MAP4K5: variants seen among roughly 807,000 people sequenced by gnomAD.
The protein encoded by MAP4K5 is MAPK/ERK kinase kinase kinase 5.
MAP4K5 carries 82 observed loss-of-function variants against 135.6 expected under a neutral mutation model. The observed-to-expected ratio is 0.60, with a 90% CI of 0.51 to 0.73. The LOEUF (loss-of-function observed/expected upper bound fraction) is 0.73, where lower values mean the gene tolerates loss of function less well. MAP4K5 is among the 30% of genes least tolerant of loss of function. MAP4K5 has a pLI of 0.00. For missense variants in MAP4K5, 907 were observed against 1,010.9 expected (o/e 0.90, Z 1.39); for synonymous variants, 347 against 335.0 (o/e 1.04, Z -0.39).
intron 3 of MAP4K5, among the ~76,000 whole-genome samples, chr14:50,498,203 T>C (rs1227964421): frequency 6.6e-6 from 1 of 152,168 alleles, no homozygotes; most frequent in Non-Finnish European, 1.5e-5. Flanking sequence ...CCTGGGCTTA[T>C]AGGGCACTCT....
intron 1 of MAP4K5, among the ~76,000 whole-genome samples, chr14:50,557,667 T>C (rs572380398): frequency 6.6e-6 from 1 of 152,338 alleles, no homozygotes; most frequent in East Asian, 1.9e-4. Context: ...ATGTTTATAT[T>C]TTCATACTAT....
chr14:50,536,038 A>G (rs372130286), upstream of MAP4K5, among the ~76,000 whole-genome samples: 2 of 152,336 alleles, frequency 1.3e-5, no homozygotes, highest in East Asian at 1.9e-4. Flanking sequence ...GCCCTCTGCC[A>G]TGATTGTGAG....
At chr14:50,486,539 T>A (rs1043970762) in intron 3 of MAP4K5, among the ~76,000 whole-genome samples, 1 of 152,172 alleles carries the variant, frequency 6.6e-6, no homozygotes, top group Non-Finnish European at 1.5e-5. Context: ...AAAGATTATA[T>A]ATTATTTAAG....
chr14:50,469,353 T>A (rs1217789419), intron 9 of MAP4K5, among the ~76,000 whole-genome samples: 2 of 152,224 alleles, frequency 1.3e-5, no homozygotes. Context: ...TACAAATAAG[T>A]CTGTAATGGA....
chr14:50,532,203 A>C, intron 1 of MAP4K5, 45 bp from the exon 2 acceptor site: 1 of 574,876 alleles, frequency 1.7e-6, no homozygotes, highest in Non-Finnish European at 3.0e-6. Context: ...GCAGGCTACG[A>C]CCCCCAGCGG....
intron 1 of MAP4K5, chr14:50,560,131 A>G: frequency 9.6e-7 from 1 of 1,039,918 alleles, no homozygotes; most frequent in South Asian, 1.4e-5. Flanking sequence ...CACCAGCGCC[A>G]CAGCAACATC....
intron 2 of MAP4K5, among the ~76,000 whole-genome samples, chr14:50,511,985 T>C (rs2037939358): frequency 6.6e-6 from 1 of 152,148 alleles, no homozygotes; most frequent in South Asian, 2.1e-4. Context: ...TCTCATTACA[T>C]ATTTGTCAAA....
At chr14:50,456,407 G>A in intron 14 of MAP4K5, 109 bp downstream of exon 14, 3 of 796,496 alleles carry the variant, frequency 3.8e-6, no homozygotes, top group Non-Finnish European at 6.4e-6. Context: ...ATTCTGATAT[G>A]TTGAAGTATG....
At position 50,425,904 on chromosome 14, in the gene MAP4K5, T is replaced by C; in HGVS notation, c.2397+3A>G. 6.2e-7 allele frequency: 1 copy of C among 1,608,868 alleles called. No individual in the cohort carries two copies. The highest frequency in any genetic ancestry group is 2.2e-5 in the East Asian group (1 of 44,784). ...TCAGTGGAGGTAATCTGAGAAGGCTTACCTCATCTGACTTGAAGCTTTTAC... is the reference window on the plus strand; with the variant it reads ...TCAGTGGAGGTAATCTGAGAAGGCTCACCTCATCTGACTTGAAGCTTTTAC... On this transcript the variant is annotated splice_donor_region_variant and intron_variant, in intron 31 of 32. Coordinates refer to ENST00000682126, the MANE Select transcript of MAP4K5 (RefSeq NM_006575.6).
chr14:50,559,174 G>C (rs559681957), intron 1 of MAP4K5: 3 of 152,328 alleles, frequency 2.0e-5, no homozygotes, highest in East Asian at 1.9e-4. Context: ...AGAGTGTAGC[G>C]TGAGGAGTTG....
At chr14:50,435,889 C>T (rs567466441) in intron 26 of MAP4K5, among the ~76,000 whole-genome samples, 1 of 152,086 alleles carries the variant, frequency 6.6e-6, no homozygotes, top group African/African-American at 2.4e-5. Flanking sequence ...TTGCATTAAA[C>T]TCTAAAGTAT....
chr14:50,505,012 C>T, intron 2 of MAP4K5, 155 bp from the exon 3 acceptor site: 2 of 508,556 alleles, frequency 3.9e-6, no homozygotes, highest in Non-Finnish European at 6.7e-6. Context: ...CTCATTTTCC[C>T]ATTAAAGAAA....
intron 3 of MAP4K5, among the ~76,000 whole-genome samples, chr14:50,501,100 T>C (rs2140002660): frequency 6.6e-6 from 1 of 152,226 alleles, no homozygotes. Context: ...ATTATATTTC[T>C]TAAAAGAAGG....
At chr14:50,433,280 T>C (rs960848495) in intron 28 of MAP4K5, among the ~76,000 whole-genome samples, 1 of 152,138 alleles carries the variant, frequency 6.6e-6, no homozygotes, top group Non-Finnish European at 1.5e-5. Flanking sequence ...AGAGTGCAGG[T>C]GGAGGTAGAA....
At chr14:50,467,294 C>T (rs2036853694) in intron 10 of MAP4K5, among the ~76,000 whole-genome samples, 1 of 151,886 alleles carries the variant, frequency 6.6e-6, no homozygotes, top group Non-Finnish European at 1.5e-5. Flanking sequence ...TAAGCAAATT[C>T]CTGTTTCTTT....
chr14:50,432,081 C>G (rs1007173940), intron 28 of MAP4K5, among the ~76,000 whole-genome samples: 6 of 152,230 alleles, frequency 3.9e-5, no homozygotes, highest in African/African-American at 1.2e-4. Context: ...CTTAGCTACT[C>G]TATGTTCAGG....
chr14:50,439,378 CA>C (rs2036173837), intron 23 of MAP4K5, among the ~76,000 whole-genome samples: 1 of 146,690 alleles, frequency 6.8e-6, no homozygotes, highest in African/African-American at 2.5e-5. Flanking sequence ...CCCACCCGTT[CA>C]CCCCTAATAA....
At chr14:50,553,354 A>C (rs931754635) in intron 1 of MAP4K5, among the ~76,000 whole-genome samples, 1 of 152,124 alleles carries the variant, frequency 6.6e-6, no homozygotes, top group Non-Finnish European at 1.5e-5. Flanking sequence ...CATTGAAAAA[A>C]TGCTCAAAAT....
intron 2 of MAP4K5, among the ~76,000 whole-genome samples, chr14:50,521,010 A>AG (rs2038140052): frequency 6.6e-6 from 1 of 151,994 alleles, no homozygotes; most frequent in South Asian, 2.1e-4. Context: ...TTTCGTAGAC[A>AG]GGGTTTCAAC....
Sources: gnomAD v4.1 joint callset for allele counts (sites outside exome capture counted in the v4.1 genomes callset) on GRCh38, gnomAD v4.1.1 for gene constraint, MANE v1.5 for transcripts, NCBI Gene and HGNC (gene_info 2026-07-23, HGNC 2026-07-21) for gene names.